The following ADAP1 variants were observed in gnomAD, a reference collection of about 807,000 sequenced individuals.
The protein encoded by ADAP1 is arf-GAP with dual PH domain-containing protein 1.
A neutral mutation model predicts 54.9 loss-of-function variants in ADAP1; 31 were observed. The ratio of observed to expected loss-of-function variants is 0.56; its 90% CI spans 0.42 to 0.76. The LOEUF (loss-of-function observed/expected upper bound fraction) is 0.76. ADAP1 is among the 30% of genes least tolerant of loss of function. The pLI is 0.00. For missense variants in ADAP1, 535 were observed against 512.4 expected (o/e 1.04, Z -0.42); for synonymous variants, 313 against 202.6 (o/e 1.55, Z -4.63).
intron 4 of ADAP1, among the ~76,000 whole-genome samples, chr7:912,984 G>A (rs1015482438): frequency 1.3e-5 from 2 of 149,960 alleles, no homozygotes; most frequent in African/African-American, 2.5e-5. Context: ...GAGTAGCTGG[G>A]ACCATAGGCG....
rs1554278262 is a variant in ADAP1 at position 946,368 on chromosome 7, GC to G, written c.82+8027del. Among the ~76,000 whole-genome samples, 1 of 151,848 alleles carries G rather than the reference GC, an allele frequency of 6.6e-6. No individual in the cohort carries two copies. The highest frequency in any genetic ancestry group is 1.5e-5 in the Non-Finnish European group (1 of 67,930). On this transcript the variant is annotated intron_variant, in intron 1 of 10. Transcript: ENST00000265846. This position sits in a 1 kb window ranked among gnomAD's most constrained non-coding sequence, Gnocchi z 4.3. ...GGCCCCCACCCCCTCACGCTCACGG[GC>G]GGCCCTGGTCCCATTCCATTGTGAG...
intron 4 of ADAP1, among the ~76,000 whole-genome samples, chr7:915,229 A>ACCTGCTTACCTCG (rs1583152751): frequency 6.6e-6 from 1 of 150,524 alleles, no homozygotes; most frequent in Admixed American, 6.6e-5. Context: ...CTGCACTCAC[A>ACCTGCTTACCTCG]CCTGCACACC....
Position 899,467 on chromosome 7 carries a change from G to T in ADAP1, c.819C>A (p.Arg273=). 1.2e-6 allele frequency: 2 copies of T among 1,613,140 alleles called. No individual in the cohort carries two copies. The highest frequency in any genetic ancestry group is 1.7e-6 in the Non-Finnish European group (2 of 1,179,908). ...GCCTGCGGTCATCCATGGTGAACCA[G>T]CGCTTCCGGAAGCCTTCCGTTTGCT... is the stretch of plus-strand genomic sequence containing the variant. ...GPKQTEGFRK[R]WFTMDDRRLM... The change falls in exon 9 of 11, where the codon CGC becomes CGA. Residue 273 remains arginine (R), a synonymous_variant. Coordinates refer to ENST00000265846, the MANE Select transcript of ADAP1 (RefSeq NM_006869.4).
chr7:915,956 G>A (rs1473496978), intron 4 of ADAP1, among the ~76,000 whole-genome samples: 2 of 152,084 alleles, frequency 1.3e-5, no homozygotes, highest in Middle Eastern at 6.8e-3. Context: ...CCTGCCTGCA[G>A]AACCCACGCC....
intron 4 of ADAP1, among the ~76,000 whole-genome samples, chr7:907,584 G>A (rs553774114): frequency 3.3e-5 from 5 of 152,140 alleles, no homozygotes; most frequent in African/African-American, 7.2e-5. Context: ...CCCAGGCCCC[G>A]CTCCCACTTC....
At chr7:923,064 G>A (rs1015554138) in intron 3 of ADAP1, 1 of 152,116 alleles carries the variant, frequency 6.6e-6, no homozygotes, top group Admixed American at 6.5e-5. Context: ...GGGGAATTAG[G>A]ACACAGACAG....
chr7:907,101 CCT>C (rs944719847), intron 4 of ADAP1, among the ~76,000 whole-genome samples: 2 of 152,144 alleles, frequency 1.3e-5, no homozygotes, highest in Admixed American at 6.5e-5. Context: ...GGTGCCATCC[CCT>C]CTTTTTTCAG....
At chr7:930,879 C>A (rs907631219) in intron 2 of ADAP1, among the ~76,000 whole-genome samples, 1 of 150,058 alleles carries the variant, frequency 6.7e-6, no homozygotes, top group Non-Finnish European at 1.5e-5. Context: ...CCTTGGGAGG[C>A]TGAGGCAAGA....
At chr7:911,328 G>A (rs1562919501) in intron 4 of ADAP1, among the ~76,000 whole-genome samples, 1 of 152,148 alleles carries the variant, frequency 6.6e-6, no homozygotes, top group Non-Finnish European at 1.5e-5. Flanking sequence ...CGGGTTCACA[G>A]TTTCCACAGC....
In ADAP1 at chr7:920,267, C is replaced by T. The variant is rs908456186; in HGVS notation, c.306-217G>A. Among the ~76,000 whole-genome samples the T allele has an allele frequency of 3.3e-5, 5 of 152,074 alleles. No homozygotes were observed. The highest frequency in any genetic ancestry group is 9.7e-5 in the African/African-American group (4 of 41,392). ...GATATTAGTTTATTGGTTTCTTGTG[C>T]GTTCGGCCCCCGGAGCATCAGGCCT... On this transcript the variant is annotated intron_variant, in intron 3 of 10. Transcript: ENST00000265846. This position sits in a 1 kb window ranked among gnomAD's most constrained non-coding sequence, Gnocchi z 4.5.
chr7:924,019 C>A (rs1317582891), intron 3 of ADAP1, among the ~76,000 whole-genome samples: 2 of 151,900 alleles, frequency 1.3e-5, no homozygotes, highest in East Asian at 3.9e-4. Context: ...ACCCCCCGCC[C>A]TCCAGGTTAC....
At position 920,932 on chromosome 7, in the gene ADAP1, C is replaced by G; in HGVS notation, c.306-882G>C. On this transcript the variant is annotated intron_variant, in intron 3 of 10. Transcript: ENST00000265846. This position sits in a 1 kb window ranked among gnomAD's most constrained non-coding sequence, Gnocchi z 4.5. ...GGAACCCTGTGGCTTCCTGCTGGGC[C>G]CACGTGAACAGCCTTGGAGACTGGG... 6.8e-7 allele frequency: 1 copy of G among 1,460,674 alleles called. No homozygotes were observed. 90.5% of individuals were successfully genotyped at this position (1,460,674 alleles called of 1,614,324 possible). A position where few individuals can be genotyped will look rare whatever the true frequency, so the allele number is the denominator to read the frequency against.
chr7:932,055 G>A (rs1033937524), intron 2 of ADAP1, among the ~76,000 whole-genome samples: 3 of 152,230 alleles, frequency 2.0e-5, no homozygotes, highest in Non-Finnish European at 4.4e-5. Flanking sequence ...CCTGGGGGCC[G>A]GGGTGCAGGT....
rs189004066 is a variant in ADAP1 at position 946,858 on chromosome 7, G to C, written c.82+7538C>G. Among the ~76,000 whole-genome samples the C allele has an allele frequency of 2.0e-5, 3 of 152,232 alleles. No individual in the cohort carries two copies. Among genetic ancestry groups the C allele is most frequent in the Non-Finnish European group, 4.4e-5 (3 of 68,048 alleles). On this transcript the variant is annotated intron_variant, in intron 1 of 10. Coordinates refer to ENST00000265846, the MANE Select transcript of ADAP1 (RefSeq NM_006869.4). This position sits in a 1 kb window ranked among gnomAD's most constrained non-coding sequence, Gnocchi z 4.3. Reference sequence around the variant, plus strand: ...ACTTTGAAATGATTAACCTGAGGCCGGGCGGGGCGGCTCACGCCTGCAATC... The same window carrying C: ...ACTTTGAAATGATTAACCTGAGGCCCGGCGGGGCGGCTCACGCCTGCAATC...
At chr7:921,025 G>GGT (rs751503009) in intron 3 of ADAP1, 46 of 634,042 alleles carry the variant, frequency 7.3e-5, no homozygotes, top group Middle Eastern at 2.6e-4. Flanking sequence ...CCTGGCCCCA[G>GGT]GTGTGTGTGT....
chr7:906,846 A>AG (rs890455683), intron 4 of ADAP1, among the ~76,000 whole-genome samples: 49 of 108,388 alleles, frequency 4.5e-4, no homozygotes, highest in Non-Finnish European at 6.6e-4. Flanking sequence ...ATGGTTGGTG[A>AG]GGGGATATGA....
At chr7:925,914 G>A (rs1846368327) in intron 3 of ADAP1, among the ~76,000 whole-genome samples, 1 of 152,298 alleles carries the variant, frequency 6.6e-6, no homozygotes, top group East Asian at 1.9e-4. Context: ...GGCACCCAGT[G>A]GGCCAACACG....
intron 1 of ADAP1, 69 bp downstream of exon 1, chr7:954,327 A>G: frequency 6.0e-6 from 5 of 834,196 alleles, no homozygotes; most frequent in Non-Finnish European, 5.7e-6. Flanking sequence ...GGGCCCACCC[A>G]GGACCCGCCC....
chr7:911,545 A>G (rs7799019), intron 4 of ADAP1, among the ~76,000 whole-genome samples: 2,234 of 137,720 alleles, frequency 0.016, 154 homozygotes, highest in East Asian at 0.14. Context: ...AGGGGCGGGG[A>G]TCACACGGAG....
Sources: allele counts gnomAD v4.1 joint callset (sites outside exome capture counted in the v4.1 genomes callset), GRCh38; gene constraint gnomAD v4.1.1; non-coding constraint Gnocchi (gnomAD v3.1); transcripts MANE v1.5; gene names NCBI Gene and HGNC (gene_info 2026-07-23, HGNC 2026-07-21).